CACNA1S: variants seen among roughly 807,000 people sequenced by gnomAD.
CACNA1S encodes the protein calcium voltage-gated channel subunit alpha1 S.
A neutral mutation model predicts 207.4 loss-of-function variants in CACNA1S; 126 were observed. That is an observed-to-expected ratio of 0.61 (90% confidence interval 0.53 to 0.70). The LOEUF (loss-of-function observed/expected upper bound fraction) is 0.70. Among genes scored for constraint, CACNA1S ranks in the 30% least tolerant of loss-of-function variants. CACNA1S has a pLI of 0.00. For synonymous variants in CACNA1S, 960 were observed against 932.7 expected, an observed-to-expected ratio of 1.03 and a Z score of -0.53; for missense variants, 2,349 against 2,422.8, an observed-to-expected ratio of 0.97 and a Z score of 0.64.
chr1:201,062,106 C>T lies in CACNA1S; in HGVS notation c.2907-16G>A, dbSNP rs756591873. 1.6e-5 allele frequency: 26 copies of T among 1,611,980 alleles called. No individual in the cohort carries two copies. The highest frequency in any genetic ancestry group is 2.2e-5 in the Non-Finnish European group (26 of 1,179,260). ...GTAGTAGCCCCTGTGGCAGGGAGGC[C>T]CAGTCACTCCACAGGGCATGGCTGG... On this transcript the variant is annotated splice_polypyrimidine_tract_variant and intron_variant, in intron 23 of 43. Coordinates refer to ENST00000362061, the MANE Select transcript of CACNA1S (RefSeq NM_000069.3).
At position 201,042,941 on chromosome 1, in the gene CACNA1S, C is replaced by A. The variant is rs533947889; in HGVS notation, c.5048+340G>T. On this transcript the variant is annotated intron_variant, in intron 40 of 43. Coordinates refer to ENST00000362061, the MANE Select transcript of CACNA1S (RefSeq NM_000069.3). ...AAATCCAGTGATGGAATCTTATTGT[C>A]CACAGTCTTTTGTGGTATGTGCTAC... 18 of 317,914 alleles carry A rather than the reference C, an allele frequency of 5.7e-5. 1 individual carries two copies. In the East Asian group the frequency reaches 1.4e-3, roughly 24 times the overall value. The allele number at this position is 317,914 out of a possible 1,614,324, so 19.7% of individuals were successfully genotyped here. A position where few individuals can be genotyped will look rare whatever the true frequency, so the allele number is the denominator to read the frequency against.
chr1:201,102,068 A>T (rs1662690590), intron 2 of CACNA1S, among the ~76,000 whole-genome samples: 1 of 152,112 alleles, frequency 6.6e-6, no homozygotes, highest in Non-Finnish European at 1.5e-5. Context: ...CTTTCACCAC[A>T]CCCCAAGGCT....
chr1:201,085,090 C>G (rs929713346), intron 8 of CACNA1S, 59 bp from the exon 9 acceptor site: 2 of 1,184,614 alleles, frequency 1.7e-6, no homozygotes, highest in East Asian at 4.6e-5. Flanking sequence ...CTGGACACAC[C>G]TGGACTGGGC....
Position 201,092,040 on chromosome 1 carries a change from C to G in CACNA1S, c.473G>C (p.Gly158Ala). The G allele has an allele frequency of 6.2e-7, 1 of 1,614,090 alleles. No individual in the cohort carries two copies. The highest frequency in any genetic ancestry group is 1.1e-5 in the South Asian group (1 of 91,068). The change falls in exon 4 of 44, where the codon GGC (glycine) becomes GCC (alanine). Residue 158 changes from glycine to alanine, a missense_variant. Physicochemically the swap from Gly to Ala is moderately conservative, Grantham distance 60 (BLOSUM62 0). Coordinates refer to ENST00000362061, the MANE Select transcript of CACNA1S (RefSeq NM_000069.3). ...GGCTCTGAGGGCCTTGACATCCAAG[C>G]CGGCTCCTTTGCTGCTCATTGGGGC... is the stretch of plus-strand genomic sequence containing the variant. ...HTAPMSSKGA[G>A]LDVKALRAFR...
chr1:201,099,960 C>T (rs2102176181), intron 2 of CACNA1S, among the ~76,000 whole-genome samples: 1 of 152,186 alleles, frequency 6.6e-6, no homozygotes, highest in East Asian at 1.9e-4. Context: ...GGCCCTGGGA[C>T]CCCCAAGAAA....
chr1:201,108,185 A>C (rs1662967403), intron 2 of CACNA1S, among the ~76,000 whole-genome samples: 1 of 150,116 alleles, frequency 6.7e-6, no homozygotes, highest in South Asian at 2.1e-4. Context: ...GGCTCACTGC[A>C]GCCTCGACCT....
intron 2 of CACNA1S, among the ~76,000 whole-genome samples, chr1:201,099,925 G>A (rs1398290208): frequency 1.3e-5 from 2 of 152,140 alleles, no homozygotes; most frequent in African/African-American, 4.8e-5. Context: ...CTCACAGTTT[G>A]AAGGTGTGGC....
intron 2 of CACNA1S, among the ~76,000 whole-genome samples, chr1:201,109,583 G>GAGGT (rs1663024368): frequency 6.6e-6 from 1 of 152,198 alleles, no homozygotes; most frequent in Non-Finnish European, 1.5e-5. Flanking sequence ...AGGTGGGGAG[G>GAGGT]AGGTAGGACA....
intron 16 of CACNA1S, 140 bp from the exon 17 acceptor site, chr1:201,070,544 G>A: frequency 9.0e-7 from 1 of 1,115,860 alleles, no homozygotes; most frequent in Non-Finnish European, 1.3e-6. Context: ...CTAGGGCTTT[G>A]GCAGAGTCCA....
rs774256022 is a variant in CACNA1S at position 201,047,167 on chromosome 1, C to T, written c.4616G>A (p.Arg1539His). ...CCGATAGCCATAATACTCCTCTTGG[C>T]GTTTCATGAACTTCCGGAAGTGCTC... Reference protein sequence around the residue: ...IQEHFRKFMKRQEEYYGYRPK... With the variant: ...IQEHFRKFMKHQEEYYGYRPK... Residue 1539 changes from arginine (R) to histidine (H), a missense_variant, in exon 38 of 44, where the codon CGC becomes CAC. Coordinates refer to ENST00000362061, the MANE Select transcript of CACNA1S (RefSeq NM_000069.3). The T allele has an allele frequency of 1.4e-5, 22 of 1,614,044 alleles. No homozygotes were observed. The highest frequency in any genetic ancestry group is 1.2e-4 in the Admixed American group (7 of 60,000).
chr1:201,052,242 A>G (rs1660680715), intron 32 of CACNA1S, among the ~76,000 whole-genome samples: 1 of 152,220 alleles, frequency 6.6e-6, no homozygotes, highest in Admixed American at 6.5e-5. Context: ...ACGAGGGCAA[A>G]TGTCCGGGAG....
intron 18 of CACNA1S, 45 bp from the exon 19 acceptor site, chr1:201,069,241 G>C (rs1336168786): frequency 1.9e-6 from 3 of 1,561,774 alleles, no homozygotes; most frequent in Non-Finnish European, 2.6e-6. Context: ...GAGGAGGAGG[G>C]GGCAACAGTA....
Position 201,070,309 on chromosome 1 carries a change from C to G in CACNA1S, c.2323G>C (p.Glu775Gln). ...QLKEKAVPIPEASSFFIFSPT... is the reference protein window; with the variant it reads ...QLKEKAVPIPQASSFFIFSPT... ...CTGAAGATGAAGAAGGAGCTGGCTT[C>G]TGGAATGGGCACGGCCTTCTCTTTC... The change falls in exon 17 of 44, where the codon GAA (glutamate) becomes CAA (glutamine). Residue 775 changes from glutamate to glutamine, a missense_variant. Transcript: ENST00000362061. 1 of 1,614,078 alleles carries G rather than the reference C, an allele frequency of 6.2e-7. No homozygotes were observed. The highest frequency in any genetic ancestry group is 8.5e-7 in the Non-Finnish European group (1 of 1,180,034).
chr1:201,069,357 C>T (rs762103977), intron 18 of CACNA1S, 115 bp downstream of exon 18: 7 of 1,511,450 alleles, frequency 4.6e-6, no homozygotes, highest in Admixed American at 1.9e-5. Context: ...AGGAACTGAA[C>T]TCTAAGAAAC....
chr1:201,042,146 TG>T (rs1660259843), intron 40 of CACNA1S, among the ~76,000 whole-genome samples: 2 of 152,248 alleles, frequency 1.3e-5, no homozygotes, highest in Non-Finnish European at 2.9e-5. Context: ...TGTTTTGTTT[TG>T]TTTTTTTGAG....
chr1:201,073,711 C>T (rs932000919), intron 14 of CACNA1S, 69 bp from the exon 15 acceptor site: 8 of 1,228,704 alleles, frequency 6.5e-6, no homozygotes, highest in Non-Finnish European at 9.7e-6. Context: ...CCTGACAACA[C>T]CTTCAGGAGG....
rs144590408 is a variant in CACNA1S at position 201,075,539 on chromosome 1, A to T, written c.1904T>A (p.Met635Lys). ...GATGATGAAGTAAATGCACACAAGC[A>T]TGCCAGGGTAGGACGGCCCGCCGTA... ...MAYGGPSYPG[M>K]LVCIYFIILF... The change falls in exon 13 of 44, where the codon ATG (methionine) becomes AAG (lysine). Residue 635 changes from methionine to lysine, a missense_variant. Transcript: ENST00000362061. 3.0e-5 allele frequency: 49 copies of T among 1,613,746 alleles called. No individual in the cohort carries two copies. Among genetic ancestry groups the T allele is most frequent in the South Asian group, 2.7e-4 (25 of 91,082 alleles).
At chr1:201,091,916 GA>G in intron 4 of CACNA1S, 55 bp downstream of exon 4, 1 of 1,611,286 alleles carries the variant, frequency 6.2e-7, no homozygotes, top group Non-Finnish European at 8.5e-7. Flanking sequence ...AGAACTGGGG[GA>G]CAAGGGAACA....
In CACNA1S at chr1:201,091,671, C is replaced by T. The variant is rs1662237951; in HGVS notation, c.663G>A (p.Lys221=). The change falls in exon 5 of 44, where the codon AAG becomes AAA. Residue 221 remains lysine, a synonymous_variant. Coordinates refer to ENST00000362061, the MANE Select transcript of CACNA1S (RefSeq NM_000069.3). ...CAATGAAGTAGCAGGTCTTGTGCAT[C>T]TTGCCCTTGAAGAGCTCCAGCCCGA... ...AIIGLELFKG[K]MHKTCYFIGT... The T allele has an allele frequency of 2.5e-6, 4 of 1,614,110 alleles. No individual in the cohort carries two copies. In the African/African-American group the frequency reaches 5.3e-5, roughly 22 times the overall value.
Sources: allele counts gnomAD v4.1 joint callset (sites outside exome capture counted in the v4.1 genomes callset), GRCh38; gene constraint gnomAD v4.1.1; transcripts MANE v1.5; gene names NCBI Gene and HGNC (gene_info 2026-07-23, HGNC 2026-07-21).